MSN: variants seen among roughly 807,000 people sequenced by gnomAD.
MSN encodes the protein epididymis luminal protein 70.
A neutral mutation model predicts 48.0 loss-of-function variants in MSN; 2 were observed. That is an observed-to-expected ratio of 0.04 (90% CI 0.02 to 0.13). The LOEUF (loss-of-function observed/expected upper bound fraction) is 0.13, where lower values mean the gene tolerates loss of function less well. Ranked by LOEUF, MSN falls within the 10% of genes least tolerant of loss-of-function variation. The pLI is 1.00. For missense variants in MSN, 267 were observed against 470.1 expected, an observed-to-expected ratio of 0.57 and a Z score of 3.99; for synonymous variants, 146 against 166.9, an observed-to-expected ratio of 0.87 and a Z score of 0.97.
chrX:65,668,030 G>T (rs1257011235), intron 1 of MSN, among the ~76,000 whole-genome samples, 177 bp downstream of exon 1: 1 of 112,401 alleles, frequency 8.9e-6, no homozygotes. Flanking sequence ...GCCCTCAGGG[G>T]TTGAGGGGGT....
At position 65,720,067 on chromosome X, in the gene MSN, A is replaced by G. The variant is rs2071502591; in HGVS notation, c.96+3166A>G. On this transcript the variant is annotated intron_variant, in intron 2 of 12. Coordinates refer to ENST00000360270, the MANE Select transcript of MSN (RefSeq NM_002444.3). Reference sequence around the variant, plus strand: ...CTGCTTCCAAAACAAAGCCTTTGGGAGACTTGGAAACCAAGAAGTCCATGA... The same window carrying G: ...CTGCTTCCAAAACAAAGCCTTTGGGGGACTTGGAAACCAAGAAGTCCATGA... Among the ~76,000 whole-genome samples the G allele has an allele frequency of 2.7e-5, 3 of 111,320 alleles. No individual in the cohort carries two copies. The South Asian group carries it at 1.1e-3, about 42-fold the overall frequency.
chrX:65,718,943 G>A (rs1313214763), intron 2 of MSN, among the ~76,000 whole-genome samples: 1 of 110,966 alleles, frequency 9.0e-6, no homozygotes, highest in Non-Finnish European at 1.9e-5. Context: ...AGTTTGTTTT[G>A]TGTTTGTTTT....
intron 1 of MSN, among the ~76,000 whole-genome samples, chrX:65,654,801 C>T (rs1381160532): frequency 9.0e-6 from 1 of 111,314 alleles, no homozygotes; most frequent in African/African-American, 3.3e-5. Context: ...AGGGTCTGCT[C>T]AAAGCCCTGA....
At chrX:65,648,090 G>A (rs1419961726) in intron 1 of MSN, among the ~76,000 whole-genome samples, 1 of 106,308 alleles carries the variant, frequency 9.4e-6, no homozygotes, top group Non-Finnish European at 1.9e-5. Context: ...TTTTAGAATG[G>A]CTCATTGATA....
chrX:65,624,802 GAAAGAAAGAAAAGA>G (rs1163118061), intron 1 of MSN: 1 of 79,865 alleles, frequency 1.3e-5, no homozygotes. Context: ...AAAGAAAGAA[GAAAGAAAGAAAAGA>G]AAAGAAAGAA....
chrX:65,654,586 G>T (rs766132053), intron 1 of MSN, among the ~76,000 whole-genome samples: 2 of 111,087 alleles, frequency 1.8e-5, no homozygotes, highest in African/African-American at 6.5e-5. Flanking sequence ...CTAAAACCAG[G>T]TGTTCTGTTT....
chrX:65,724,967 G>A (rs889308410), intron 2 of MSN, among the ~76,000 whole-genome samples: 8 of 111,781 alleles, frequency 7.2e-5, no homozygotes, highest in South Asian at 3.7e-4. Flanking sequence ...GATTATAAGC[G>A]TGAGCCAACA....
At chrX:65,588,984 T>G (rs1041665687) in intron 1 of MSN, 1 of 137,640 alleles carries the variant, frequency 7.3e-6, no homozygotes, top group African/African-American at 3.2e-5. Flanking sequence ...TGCTGAGGAG[T>G]GCCCAGGACC....
At position 65,602,894 on chromosome X, in the gene MSN, C is replaced by G. The variant is rs73629455; in HGVS notation, c.-22+14282C>G. Reference sequence around the variant, plus strand: ...TGCCATCTGAAACAGGCTCCTTTCTCTTAAAGACTACTGTAACTGGTAGGA... The same window carrying G: ...TGCCATCTGAAACAGGCTCCTTTCTGTTAAAGACTACTGTAACTGGTAGGA... On this transcript the variant is annotated intron_variant, in intron 1 of 3. Coordinates refer to the MSN transcript ENST00000609672. Among the ~76,000 whole-genome samples, 947 of 111,594 alleles carry G rather than the reference C, an allele frequency of 8.5e-3. 12 individuals are homozygous for G. The highest frequency in any genetic ancestry group is 0.029 in the African/African-American group (880 of 30,713).
intron 1 of MSN, among the ~76,000 whole-genome samples, chrX:65,631,489 T>C (rs1335678071): frequency 1.8e-5 from 2 of 112,102 alleles, no homozygotes; most frequent in East Asian, 2.8e-4. Flanking sequence ...ATTCTTACAA[T>C]GTGTAATCCT....
chrX:65,729,626 G>A lies in MSN; in HGVS notation c.381G>A (p.Ser127=). Residue 127 remains serine, a synonymous_variant, in exon 4 of 13, where the codon TCG becomes TCA. Coordinates refer to ENST00000360270, the MANE Select transcript of MSN (RefSeq NM_002444.3). The stretch of plus-strand genomic sequence containing the variant: ...CTGAGACCGCTGTGCTGCTGGCCTC[G>A]TATGCTGTCCAGTCTAAGTATGGCG... ...CPPETAVLLA[S]YAVQSKYGDF... is the part of the protein sequence containing the mutation. 2 of 1,211,611 alleles carry A rather than the reference G, an allele frequency of 1.7e-6. No homozygotes were observed. The highest frequency in any genetic ancestry group is 2.2e-6 in the Non-Finnish European group (2 of 895,403).
intron 1 of MSN, among the ~76,000 whole-genome samples, chrX:65,680,722 C>A (rs1485938751): frequency 9.0e-6 from 1 of 110,751 alleles, no homozygotes; most frequent in Non-Finnish European, 1.9e-5. Flanking sequence ...TTTTTTTCAT[C>A]CAGCTTTTTC....
At chrX:65,658,875 T>C (rs2148378432) in intron 1 of MSN, among the ~76,000 whole-genome samples, 1 of 110,184 alleles carries the variant, frequency 9.1e-6, no homozygotes, top group South Asian at 4.0e-4. Flanking sequence ...GACGAAGTCT[T>C]GCTCTGTCAC....
chrX:65,724,965 G>A (rs1239460855), intron 2 of MSN, among the ~76,000 whole-genome samples: 3 of 111,820 alleles, frequency 2.7e-5, no homozygotes, highest in East Asian at 5.6e-4. Flanking sequence ...GGGATTATAA[G>A]CGTGAGCCAA....
At chrX:65,650,592 A>G (rs1255111609) in intron 1 of MSN, among the ~76,000 whole-genome samples, 2 of 111,930 alleles carry the variant, frequency 1.8e-5, no homozygotes, top group Non-Finnish European at 3.8e-5. Context: ...CCTAATATTA[A>G]TTGAGGTCCT....
intron 3 of MSN, 56 bp downstream of exon 3, chrX:65,727,965 T>C: frequency 1.9e-6 from 2 of 1,078,290 alleles, no homozygotes; most frequent in Non-Finnish European, 1.3e-6. Context: ...AGAACATTCC[T>C]GGGAGGGTAC....
chrX:65,627,753 G>A (rs1569455877), intron 1 of MSN, among the ~76,000 whole-genome samples: 1 of 111,579 alleles, frequency 9.0e-6, no homozygotes, highest in African/African-American at 3.3e-5. Context: ...TAACCCAAAA[G>A]TCCATAGTCC....
chrX:65,735,374 G>A lies in MSN; in HGVS notation c.903G>A (p.Glu301=). 1 of 1,209,825 alleles carries A rather than the reference G, an allele frequency of 8.3e-7. No individual in the cohort carries two copies. The highest frequency in any genetic ancestry group is 1.1e-6 in the Non-Finnish European group (1 of 894,553). ...GCCGTCGCAAGCCTGATACCATTGA[G>A]GTGCAGCAGATGAAGGCACAGGCCC... The part of the protein sequence containing the change: ...YMRRRKPDTI[E]VQQMKAQARE... The change falls in exon 8 of 13, where the codon GAG becomes GAA. Residue 301 remains glutamate (E), a synonymous_variant. Transcript: ENST00000360270.
In MSN at chrX:65,727,996, C is replaced by T. The variant is rs2071584545; in HGVS notation, c.192+87C>T. On this transcript the variant is annotated intron_variant, in intron 3 of 12. Coordinates refer to ENST00000360270, the MANE Select transcript of MSN (RefSeq NM_002444.3). The stretch of plus-strand genomic sequence containing the variant: ...GGTACCATGTGCTAGTTGGCAAATC[C>T]TGGATACCTAGGGCTGTGTTTGTGA... The T allele has an allele frequency of 4.8e-6, 4 of 831,957 alleles. No homozygotes were observed. The Admixed American group carries it at 1.0e-4, about 21-fold the overall frequency. The allele number at this position is 831,957 out of a possible 1,213,427, so 68.6% of individuals were successfully genotyped here. A position where few individuals can be genotyped will look rare whatever the true frequency, so the allele number is the denominator to read the frequency against.
Sources: gnomAD v4.1 joint callset for allele counts (sites outside exome capture counted in the v4.1 genomes callset) on GRCh38, gnomAD v4.1.1 for gene constraint, MANE v1.5 for transcripts, NCBI Gene and HGNC (gene_info 2026-07-23, HGNC 2026-07-21) for gene names.